The following NRXN3 variants were observed in gnomAD, a reference collection of about 807,000 sequenced individuals.
The protein encoded by NRXN3 is neurexin 3, also known as neurexin III.
In NRXN3, 32 loss-of-function variants were observed where a neutral mutation model predicts 137.6. The ratio of observed to expected loss-of-function variants is 0.23; its 90% CI spans 0.18 to 0.31. NRXN3 has a LOEUF of 0.31. Among genes scored for constraint, NRXN3 ranks in the 10% least tolerant of loss-of-function variants. The pLI, the probability that NRXN3 is intolerant of heterozygous loss-of-function variation, is 1.00. For missense variants in NRXN3, 1,574 were observed against 2,062.5 expected (o/e 0.76, Z 4.59); for synonymous variants, 798 against 784.5 (o/e 1.02, Z -0.29).
chr14:78,559,844 T>C (rs1167991538), intron 4 of NRXN3, among the ~76,000 whole-genome samples: 3 of 152,246 alleles, frequency 2.0e-5, no homozygotes, highest in East Asian at 1.9e-4. Flanking sequence ...AGGCTCTCAT[T>C]TGAGCCCTCC....
At chr14:78,967,636 G>A (rs2099422558) in intron 13 of NRXN3, among the ~76,000 whole-genome samples, 1 of 152,156 alleles carries the variant, frequency 6.6e-6, no homozygotes, top group South Asian at 2.1e-4. Flanking sequence ...TGGGGGCTGA[G>A]AGATGACAGG....
intron 14 of NRXN3, among the ~76,000 whole-genome samples, chr14:78,982,777 TA>T (rs990717903): frequency 6.6e-6 from 1 of 152,010 alleles, no homozygotes; most frequent in Non-Finnish European, 1.5e-5. Flanking sequence ...ACAGGCAACA[TA>T]AACAAATGAG....
intron 16 of NRXN3, among the ~76,000 whole-genome samples, chr14:79,608,368 G>T (rs967278991): frequency 6.6e-6 from 1 of 152,210 alleles, no homozygotes; most frequent in Non-Finnish European, 1.5e-5. Flanking sequence ...GACAAATGAG[G>T]AGTGGAAATA....
chr14:79,216,132 A>G (rs2068464077), intron 15 of NRXN3, among the ~76,000 whole-genome samples: 1 of 152,170 alleles, frequency 6.6e-6, no homozygotes, highest in African/African-American at 2.4e-5. Context: ...GAGACCTAGA[A>G]TTACCTGGAG....
chr14:79,636,401 T>C (rs567570490), intron 16 of NRXN3, among the ~76,000 whole-genome samples: 2 of 152,270 alleles, frequency 1.3e-5, no homozygotes, highest in South Asian at 4.1e-4. Context: ...GTTTTTTGTT[T>C]TTGTTTTTCT....
At chr14:79,488,420 G>C (rs992745385) in intron 16 of NRXN3, among the ~76,000 whole-genome samples, 13 of 152,092 alleles carry the variant, frequency 8.5e-5, no homozygotes, top group Non-Finnish European at 1.9e-4. Context: ...GGCAACAAGA[G>C]TGTGTGTGTG....
chr14:78,234,465 T>C (rs549271604), intron 1 of NRXN3, among the ~76,000 whole-genome samples: 1 of 152,216 alleles, frequency 6.6e-6, no homozygotes, highest in African/African-American at 2.4e-5. Flanking sequence ...AGTGGATAAG[T>C]GATGGGCTCA....
intron 15 of NRXN3, among the ~76,000 whole-genome samples, chr14:79,235,710 A>G (rs1019037235): frequency 1.1e-4 from 17 of 152,192 alleles, no homozygotes; most frequent in African/African-American, 9.6e-5. Context: ...AAGTAAAGAC[A>G]TACAGTGAAT....
At chr14:78,991,904 T>C (rs1157372220) in intron 15 of NRXN3, among the ~76,000 whole-genome samples, 1 of 152,188 alleles carries the variant, frequency 6.6e-6, no homozygotes, top group East Asian at 1.9e-4. Context: ...ATGTTTTCAC[T>C]TTATTTCTTT....
At chr14:78,670,774 T>G (rs890317590) in intron 6 of NRXN3, among the ~76,000 whole-genome samples, 9 of 152,172 alleles carry the variant, frequency 5.9e-5, no homozygotes, top group Non-Finnish European at 4.4e-5. Flanking sequence ...GTAAGATTTA[T>G]TAACTGATTG....
At chr14:79,063,205 A>C (rs1035049695) in intron 15 of NRXN3, among the ~76,000 whole-genome samples, 8 of 152,208 alleles carry the variant, frequency 5.3e-5, no homozygotes, top group African/African-American at 1.9e-4. Context: ...TCTTGAAAGG[A>C]AAGGTGCCCA....
At chr14:79,564,219 T>C (rs2097528141) in intron 16 of NRXN3, among the ~76,000 whole-genome samples, 1 of 151,016 alleles carries the variant, frequency 6.6e-6, no homozygotes, top group Non-Finnish European at 1.5e-5. Flanking sequence ...CTTTGCATAG[T>C]GGTTTGAGGG....
In NRXN3 at chr14:79,861,393, C is replaced by T; in HGVS notation, c.4145C>T (p.Pro1382Leu). The T allele has an allele frequency of 6.5e-7, 1 of 1,536,170 alleles. No individual in the cohort carries two copies. The highest frequency in any genetic ancestry group is 8.7e-7 in the Non-Finnish European group (1 of 1,146,930). ...GAAGGTGGCTACAAAGCACATGCGC[C>T]CAAGTGGGAATCCAAGGACTTTAGA... ...IFEGGYKAHA[P>L]KWESKDFRPN... is the part of the protein sequence containing the mutation. The change falls in exon 21 of 21, where the codon CCC becomes CTC. Residue 1382 changes from proline to leucine, a missense_variant. By Grantham distance (98) the Pro-to-Leu change is moderately conservative. Around this residue, in one of 5 missense-constraint regions of NRXN3, gnomAD observed 320 missense variants for 387.1 expected, o/e 0.83. Coordinates refer to ENST00000335750, the MANE Select transcript of NRXN3 (RefSeq NM_001330195.2). The surrounding 1 kb of genome is among the most constrained non-coding windows in gnomAD (Gnocchi z 5.4).
intron 15 of NRXN3, among the ~76,000 whole-genome samples, chr14:79,274,743 A>G (rs1258452455): frequency 3.9e-5 from 6 of 152,254 alleles, no homozygotes; most frequent in Admixed American, 2.6e-4. Flanking sequence ...TATAAGTTTC[A>G]ATGAAGTAAA....
chr14:78,744,956 T>G (rs2098600413), intron 8 of NRXN3: 1 of 152,152 alleles, frequency 6.6e-6, no homozygotes, highest in African/African-American at 2.4e-5. Context: ...TGATCAGCAG[T>G]TTTGACCAGC....
intron 11 of NRXN3, among the ~76,000 whole-genome samples, chr14:78,963,588 T>A (rs31420): frequency 1.3e-5 from 2 of 151,996 alleles, no homozygotes; most frequent in African/African-American, 4.8e-5. Flanking sequence ...TTTCACAGCC[T>A]GTCTGATTTT....
chr14:78,378,369 C>T (rs775965691), intron 4 of NRXN3, among the ~76,000 whole-genome samples: 1 of 151,706 alleles, frequency 6.6e-6, no homozygotes, highest in Non-Finnish European at 1.5e-5. Context: ...GCTATAGTTC[C>T]AGCTACTCAG....
At chr14:78,757,379 G>A (rs980187515) in intron 8 of NRXN3, among the ~76,000 whole-genome samples, 1 of 150,404 alleles carries the variant, frequency 6.6e-6, no homozygotes, top group South Asian at 2.1e-4. Flanking sequence ...CTGCACTCCA[G>A]CCTGGGCGAC....
chr14:79,836,336 C>T (rs1249533709), intron 20 of NRXN3, among the ~76,000 whole-genome samples: 7 of 152,140 alleles, frequency 4.6e-5, no homozygotes, highest in African/African-American at 1.7e-4. Flanking sequence ...AGGATCAGTT[C>T]TGATGATGCT....
Sources: gnomAD v4.1 joint callset for allele counts (sites outside exome capture counted in the v4.1 genomes callset) on GRCh38, gnomAD v4.1.1 for gene constraint, gnomAD v4.1.1 regional missense constraint, Gnocchi (gnomAD v3.1) non-coding constraint, MANE v1.5 for transcripts, NCBI Gene and HGNC (gene_info 2026-07-23, HGNC 2026-07-21) for gene names.